Variants in PPP1R3G observed in about 807,000 individuals in gnomAD.
The protein encoded by PPP1R3G is protein phosphatase 1, regulatory (inhibitor) subunit 3G.
A neutral mutation model predicts 2.0 loss-of-function variants in PPP1R3G; 3 were observed. The observed-to-expected ratio is 1.47, with a 90% CI of 0.67 to 3.81. PPP1R3G has a LOEUF of 3.81. Ranked by LOEUF, PPP1R3G falls within the 30% of genes most tolerant of loss-of-function variation. The pLI is 0.02. For missense variants in PPP1R3G, 595 were observed against 517.0 expected (o/e 1.15, Z -1.46); for synonymous variants, 267 against 250.9 (o/e 1.06, Z -0.61).
In PPP1R3G at chr6:5,085,930, A is replaced by AGCGAGGCGG; in HGVS notation, c.446_454dup (p.Ala151_Glu152insGlyGluAla). 6.5e-7 allele frequency: 1 copy of AGCGAGGCGG among 1,528,036 alleles called. No homozygotes were observed. The highest frequency in any genetic ancestry group is 1.2e-5 in the South Asian group (1 of 83,446). 94.7% of individuals were successfully genotyped at this position (1,528,036 alleles called of 1,614,324 possible). On this transcript the variant is annotated inframe_insertion, in exon 1 of 1. Coordinates refer to ENST00000405617, the MANE Select transcript of PPP1R3G (RefSeq NM_001145115.3). ...AAGCCTGGCCAGCGTGAAGCACTTC[A>AGCGAGGCGG]GCGAGGCGGAGGAGCCGCAGGTGCC...
Position 5,085,811 on chromosome 6 carries a change from T to C in PPP1R3G, c.326T>C (p.Leu109Pro), listed in dbSNP as rs1761982685. 3.9e-6 allele frequency: 6 copies of C among 1,528,536 alleles called. No individual in the cohort carries two copies. The East Asian group carries it at 1.5e-4, about 38-fold the overall frequency. 94.7% of individuals were successfully genotyped at this position (1,528,536 alleles called of 1,614,324 possible). ...LQQQQQQAVA[L>P]GGEGAEDAQL... Reference sequence around the variant, plus strand: ...CAGCAGCAGCAACAGGCGGTGGCACTGGGCGGCGAGGGGGCGGAGGACGCA... The same window carrying C: ...CAGCAGCAGCAACAGGCGGTGGCACCGGGCGGCGAGGGGGCGGAGGACGCA... Residue 109 changes from leucine to proline, a missense_variant, in exon 1 of 1, where the codon CTG (leucine) becomes CCG (proline). Transcript: ENST00000405617.
In PPP1R3G at chr6:5,087,515, C is replaced by G. The variant is rs964507264; in HGVS notation, c.*953C>G. ...CTGCGAGAGCCGGGCACGCACGCCCCGGCGCCCTTTGTGTAGGCAGAGCAC... is the reference window on the plus strand; with the variant it reads ...CTGCGAGAGCCGGGCACGCACGCCCGGGCGCCCTTTGTGTAGGCAGAGCAC... On this transcript the variant is annotated 3_prime_UTR_variant, in exon 1 of 1. Coordinates refer to ENST00000405617, the MANE Select transcript of PPP1R3G (RefSeq NM_001145115.3). 2.6e-5 allele frequency: 4 copies of G among 152,262 alleles called. No individual in the cohort carries two copies. Among genetic ancestry groups the G allele is most frequent in the African/African-American group, 7.2e-5 (3 of 41,460 alleles). The allele number at this position is 152,262 out of a possible 1,614,324, so 9.4% of individuals were successfully genotyped here. A position where few individuals can be genotyped will look rare whatever the true frequency, so the allele number is the denominator to read the frequency against.
chr6:5,086,584 C>G lies in PPP1R3G; in HGVS notation c.*22C>G, dbSNP rs7762427. The stretch of plus-strand genomic sequence containing the variant: ...CTGAGCCTGGAGAGTTTCGAAGAGC[C>G]GTGGGGCGGGGTTGATTAGCACGTG... On this transcript the variant is annotated 3_prime_UTR_variant, in exon 1 of 1. Coordinates refer to ENST00000405617, the MANE Select transcript of PPP1R3G (RefSeq NM_001145115.3). 0.024 allele frequency: 35,071 copies of G among 1,476,222 alleles called. 1,869 individuals are homozygous for G. The highest frequency in any genetic ancestry group is 0.21 in the African/African-American group (14,672 of 71,200). The allele number at this position is 1,476,222 out of a possible 1,614,324, so 91.4% of individuals were successfully genotyped here.
At position 5,085,352 on chromosome 6, in the gene PPP1R3G, C is replaced by G; in HGVS notation, c.-134C>G. The G allele has an allele frequency of 4.7e-6, 3 of 643,734 alleles. No homozygotes were observed. The highest frequency in any genetic ancestry group is 5.2e-6 in the Non-Finnish European group (2 of 386,928). The allele number at this position is 643,734 out of a possible 1,614,324, so 39.9% of individuals were successfully genotyped here. On this transcript the variant is annotated 5_prime_UTR_variant, in exon 1 of 1. Coordinates refer to ENST00000405617, the MANE Select transcript of PPP1R3G (RefSeq NM_001145115.3). Reference sequence around the variant, plus strand: ...CCAAAGTGGAACTACGTTGTCTTGTCGAGCCTGGGGCGACTCGCCTCGGGG... The same window carrying G: ...CCAAAGTGGAACTACGTTGTCTTGTGGAGCCTGGGGCGACTCGCCTCGGGG...
rs887817314 is a variant in PPP1R3G, at chr6:5,085,575, G to A, written c.90G>A (p.Pro30=). 3 of 1,544,066 alleles carry A rather than the reference G, an allele frequency of 1.9e-6. No individual in the cohort carries two copies. The highest frequency in any genetic ancestry group is 2.7e-5 in the African/African-American group (2 of 72,902). The change falls in exon 1 of 1, where the codon CCG becomes CCA. Residue 30 remains proline, a synonymous_variant. Coordinates refer to ENST00000405617, the MANE Select transcript of PPP1R3G (RefSeq NM_001145115.3). ...EAPPAEELPA[P]VVPCVQGGGD... The stretch of plus-strand genomic sequence containing the variant: ...CGCCGGCCGAGGAGCTGCCCGCCCC[G>A]GTGGTCCCCTGTGTGCAGGGTGGCG...
chr6:5,085,541 G>A lies in PPP1R3G; in HGVS notation c.56G>A (p.Arg19Gln), dbSNP rs758819492. ...SLEAPGPAPF[R>Q]EAPPAEELPA... ...GAGGCGCCGGGACCAGCGCCCTTCCGAGAGGCCCCGCCGGCCGAGGAGCTG... is the reference window on the plus strand; with the variant it reads ...GAGGCGCCGGGACCAGCGCCCTTCCAAGAGGCCCCGCCGGCCGAGGAGCTG... Residue 19 changes from arginine to glutamine, a missense_variant, in exon 1 of 1, where the codon CGA (arginine) becomes CAA (glutamine). Arg to Gln is a conservative substitution (Grantham distance 43). Transcript: ENST00000405617. 3.2e-6 allele frequency: 5 copies of A among 1,540,266 alleles called. No homozygotes were observed. Among genetic ancestry groups the A allele is most frequent in the Non-Finnish European group, 8.7e-7 (1 of 1,145,954 alleles).
At position 5,085,483 on chromosome 6, in the gene PPP1R3G, G is replaced by T. The variant is rs1405543592; in HGVS notation, c.-3G>T. The T allele has an allele frequency of 5.2e-6, 8 of 1,532,460 alleles. No homozygotes were observed. In the East Asian group the frequency reaches 1.5e-4, roughly 28 times the overall value. The allele number at this position is 1,532,460 out of a possible 1,614,324, so 94.9% of individuals were successfully genotyped here. Reference sequence around the variant, plus strand: ...CCGAGCAAGTCCAGGGGCGAACGGCGTCATGGAGCCCATAGGGGCGCGGCT... The same window carrying T: ...CCGAGCAAGTCCAGGGGCGAACGGCTTCATGGAGCCCATAGGGGCGCGGCT... On this transcript the variant is annotated 5_prime_UTR_variant, in exon 1 of 1. Transcript: ENST00000405617.
rs764410177 is a variant in PPP1R3G at position 5,086,277 on chromosome 6, G to T, written c.792G>T (p.Pro264=). The T allele has an allele frequency of 2.0e-6, 3 of 1,535,440 alleles. No homozygotes were observed. Among genetic ancestry groups the T allele is most frequent in the Admixed American group, 3.9e-5 (2 of 50,982 alleles). The change falls in exon 1 of 1, where the codon CCG becomes CCT. Residue 264 remains proline, a synonymous_variant. Transcript: ENST00000405617. ...FTEWRSFLDV[P]AELQPEPLEP... is the part of the protein sequence containing the mutation. Reference sequence around the variant, plus strand: ...AGTGGCGCTCCTTCCTGGACGTGCCGGCTGAGCTGCAGCCCGAGCCGCTGG... The same window carrying T: ...AGTGGCGCTCCTTCCTGGACGTGCCTGCTGAGCTGCAGCCCGAGCCGCTGG...
In PPP1R3G at chr6:5,086,088, C is replaced by A; in HGVS notation, c.603C>A (p.Phe201Leu). The change falls in exon 1 of 1, where the codon TTC becomes TTA. Residue 201 changes from phenylalanine (F) to leucine (L), a missense_variant. By Grantham distance (22) the Phe-to-Leu change is conservative. Transcript: ENST00000405617. ...CGCCTTCCCGGCTCCGGCCGCTCTT[C>A]CAGCTCCCGGGGCCGAGCGCCGCGG... ...SAPPSRLRPL[F>L]QLPGPSAAAE... 1 of 1,467,888 alleles carries A rather than the reference C, an allele frequency of 6.8e-7. No homozygotes were observed. The highest frequency in any genetic ancestry group is 8.9e-7 in the Non-Finnish European group (1 of 1,118,370). The allele number at this position is 1,467,888 out of a possible 1,614,324, so 90.9% of individuals were successfully genotyped here.
At position 5,086,125 on chromosome 6, in the gene PPP1R3G, C is replaced by T. The variant is rs919356531; in HGVS notation, c.640C>T (p.Gln214Ter). ...PGPSAAAERL[Q>*]RQRVCLERVQ... ...GCCGAGCGCCGCGGCCGAGCGTCTG[C>T]AGCGGCAGCGCGTGTGCCTGGAGCG... Residue 214 changes from glutamine to a stop codon, truncating the protein, a stop_gained, in exon 1 of 1, where the codon CAG (glutamine) becomes TAG (stop). Transcript: ENST00000405617. LOFTEE classifies it low-confidence loss of function (END_TRUNC). 1.5e-5 allele frequency: 22 copies of T among 1,474,952 alleles called. No individual in the cohort carries two copies. The Admixed American group carries it at 2.2e-4, about 14-fold the overall frequency. The allele number at this position is 1,474,952 out of a possible 1,614,324, so 91.4% of individuals were successfully genotyped here.
chr6:5,086,060 C>T lies in PPP1R3G; in HGVS notation c.575C>T (p.Ala192Val). 1.4e-6 allele frequency: 2 copies of T among 1,475,858 alleles called. No individual in the cohort carries two copies. The highest frequency in any genetic ancestry group is 1.8e-6 in the Non-Finnish European group (2 of 1,121,160). 91.4% of individuals were successfully genotyped at this position (1,475,858 alleles called of 1,614,324 possible). A position where few individuals can be genotyped will look rare whatever the true frequency, so the allele number is the denominator to read the frequency against. Residue 192 changes from alanine to valine, a missense_variant, in exon 1 of 1, where the codon GCG becomes GTG. Ala to Val is a moderately conservative substitution (Grantham distance 64). Transcript: ENST00000405617. ...GCGGCAGTGGCCGCGCCCCTTTCAG[C>T]GCCGCCTTCCCGGCTCCGGCCGCTC... ...AAAAVAAPLSAPPSRLRPLFQ... is the reference protein window; with the variant it reads ...AAAAVAAPLSVPPSRLRPLFQ...
rs552288562 is a variant in PPP1R3G, at chr6:5,085,660, C to T, written c.175C>T (p.Leu59=). ...SPDAQLGDRP[L]SPKEEAAPQE... ...TGACGCTCAGCTAGGGGATAGGCCC[C>T]TGTCCCCGAAGGAAGAGGCCGCCCC... The change falls in exon 1 of 1, where the codon CTG becomes TTG. Residue 59 remains leucine (L), a synonymous_variant. Coordinates refer to ENST00000405617, the MANE Select transcript of PPP1R3G (RefSeq NM_001145115.3). 4 of 1,548,626 alleles carry T rather than the reference C, an allele frequency of 2.6e-6. No homozygotes were observed. Among genetic ancestry groups the T allele is most frequent in the Middle Eastern group, 1.7e-4 (1 of 5,824 alleles).
In PPP1R3G at chr6:5,086,209, T is replaced by A; in HGVS notation, c.724T>A (p.Cys242Ser). Residue 242 changes from cysteine to serine, a missense_variant, in exon 1 of 1, where the codon TGC becomes AGC. Cys to Ser is a moderately radical substitution (Grantham distance 112). Coordinates refer to ENST00000405617, the MANE Select transcript of PPP1R3G (RefSeq NM_001145115.3). ...EVKGSGRVLS[C>S]PGPRAVTVRY... ...GAAGGGCTCCGGCCGGGTGCTCAGC[T>A]GCCCTGGGCCCAGGGCCGTGACCGT... The A allele has an allele frequency of 6.5e-7, 1 of 1,534,876 alleles. No homozygotes were observed.
rs1168924080 is a variant in PPP1R3G, at chr6:5,085,560, G to A, written c.75G>A (p.Glu25=). The A allele has an allele frequency of 6.5e-7, 1 of 1,542,546 alleles. No homozygotes were observed. The highest frequency in any genetic ancestry group is 1.2e-5 in the South Asian group (1 of 83,888). ...CCTTCCGAGAGGCCCCGCCGGCCGA[G>A]GAGCTGCCCGCCCCGGTGGTCCCCT... ...PAPFREAPPA[E]ELPAPVVPCV... Residue 25 remains glutamate, a synonymous_variant, in exon 1 of 1, where the codon GAG becomes GAA. Coordinates refer to ENST00000405617, the MANE Select transcript of PPP1R3G (RefSeq NM_001145115.3).
chr6:5,086,369 C>T lies in PPP1R3G; in HGVS notation c.884C>T (p.Pro295Leu). 6.5e-7 allele frequency: 1 copy of T among 1,536,114 alleles called. No individual in the cohort carries two copies. The highest frequency in any genetic ancestry group is 8.7e-7 in the Non-Finnish European group (1 of 1,146,758). The change falls in exon 1 of 1, where the codon CCA becomes CTA. Residue 295 changes from proline (P) to leucine (L), a missense_variant. Physicochemically the swap from Pro to Leu is moderately conservative, Grantham distance 98. Coordinates refer to ENST00000405617, the MANE Select transcript of PPP1R3G (RefSeq NM_001145115.3). ...EPGSGDAKKE[P>L]GAECFHFSLC... ...GGGTCCGGGGATGCCAAGAAAGAGC[C>T]AGGCGCCGAGTGCTTCCACTTCTCG... is the stretch of plus-strand genomic sequence containing the variant.
chr6:5,086,924 G>A lies in PPP1R3G; in HGVS notation c.*362G>A. 1 of 277,560 alleles carries A rather than the reference G, an allele frequency of 3.6e-6. No individual in the cohort carries two copies. Among genetic ancestry groups the A allele is most frequent in the Non-Finnish European group, 6.8e-6 (1 of 148,096 alleles). The allele number at this position is 277,560 out of a possible 1,614,324, so 17.2% of individuals were successfully genotyped here. On this transcript the variant is annotated 3_prime_UTR_variant, in exon 1 of 1. Transcript: ENST00000405617. ...CTCCCGGGCATGGTTCTAAGGCCTT[G>A]GGATTGGTTTTTAACTCTAAATATC...
chr6:5,085,653 T>A lies in PPP1R3G; in HGVS notation c.168T>A (p.Asp56Glu). The A allele has an allele frequency of 6.5e-7, 1 of 1,548,710 alleles. No homozygotes were observed. Among genetic ancestry groups the A allele is most frequent in the African/African-American group, 1.4e-5 (1 of 73,014 alleles). ...CGAGTCCTGACGCTCAGCTAGGGGA[T>A]AGGCCCCTGTCCCCGAAGGAAGAGG... ...ETPSPDAQLG[D>E]RPLSPKEEAA... is the part of the protein sequence containing the mutation. Residue 56 changes from aspartate to glutamate, a missense_variant, in exon 1 of 1, where the codon GAT becomes GAA. By Grantham distance (45) the Asp-to-Glu change is conservative (BLOSUM62 2). Transcript: ENST00000405617.
At position 5,089,271 on chromosome 6, in the gene PPP1R3G, A is replaced by G. The variant is rs570892087; in HGVS notation, c.*2709A>G. ...GAAGCCTTCTGATGCATCATCAGGTAATCTTGGTCTGATATACCATTTCTT... is the reference window on the plus strand; with the variant it reads ...GAAGCCTTCTGATGCATCATCAGGTGATCTTGGTCTGATATACCATTTCTT... On this transcript the variant is annotated 3_prime_UTR_variant, in exon 1 of 1. Transcript: ENST00000405617. The G allele has an allele frequency of 6.6e-6, 1 of 152,334 alleles. No homozygotes were observed. The highest frequency in any genetic ancestry group is 1.9e-4 in the East Asian group (1 of 5,192). The allele number at this position is 152,334 out of a possible 1,614,324, so 9.4% of individuals were successfully genotyped here. A position where few individuals can be genotyped will look rare whatever the true frequency, so the allele number is the denominator to read the frequency against.
rs947169800 is a variant in PPP1R3G at position 5,085,480 on chromosome 6, G to C, written c.-6G>C. Reference sequence around the variant, plus strand: ...GGCCCGAGCAAGTCCAGGGGCGAACGGCGTCATGGAGCCCATAGGGGCGCG... The same window carrying C: ...GGCCCGAGCAAGTCCAGGGGCGAACCGCGTCATGGAGCCCATAGGGGCGCG... On this transcript the variant is annotated 5_prime_UTR_variant, in exon 1 of 1. Coordinates refer to ENST00000405617, the MANE Select transcript of PPP1R3G (RefSeq NM_001145115.3). The C allele has an allele frequency of 3.3e-6, 5 of 1,530,502 alleles. No homozygotes were observed. The African/African-American group carries it at 6.9e-5, about 21-fold the overall frequency. 94.8% of individuals were successfully genotyped at this position (1,530,502 alleles called of 1,614,324 possible).
Sources: gnomAD v4.1 joint callset for allele counts on GRCh38, gnomAD v4.1.1 for gene constraint, MANE v1.5 for transcripts, NCBI Gene and HGNC (gene_info 2026-07-23, HGNC 2026-07-21) for gene names.